Variants in RUBCNL observed in about 807,000 individuals in gnomAD.
The protein encoded by RUBCNL is rubicon like autophagy enhancer.
In RUBCNL, 62 loss-of-function variants were observed where a neutral mutation model predicts 69.5. The ratio of observed to expected loss-of-function variants is 0.89; its 90% CI spans 0.73 to 1.10. RUBCNL has a LOEUF of 1.10. Among genes scored for constraint, RUBCNL ranks in the 50% least tolerant of loss-of-function variants. The probability of loss-of-function intolerance (pLI) is 0.00; values close to 1 mark genes in which losing one functional copy is unlikely to be tolerated. For missense variants in RUBCNL, 768 were observed against 798.1 expected, an observed-to-expected ratio of 0.96 and a Z score of 0.45; for synonymous variants, 291 against 303.6, an observed-to-expected ratio of 0.96 and a Z score of 0.43.
intron 12 of RUBCNL, among the ~76,000 whole-genome samples, chr13:46,345,848 G>C (rs777012451): frequency 1.3e-5 from 2 of 152,186 alleles, no homozygotes; most frequent in Non-Finnish European, 2.9e-5. Flanking sequence ...GCAGAGACCT[G>C]TATCTCTTAC....
intron 1 of RUBCNL, chr13:46,385,257 GGTTTT>G: frequency 1.0e-6 from 1 of 982,714 alleles, no homozygotes; most frequent in South Asian, 4.7e-5. Context: ...ACAGAGACCT[GGTTTT>G]ATTTTCCAGC....
chr13:46,357,695 T>A (rs1370243714), intron 9 of RUBCNL, among the ~76,000 whole-genome samples: 1 of 150,432 alleles, frequency 6.6e-6, no homozygotes, highest in Non-Finnish European at 1.5e-5. Context: ...AGTGGTGCAA[T>A]CTCAGCTCAC....
chr13:46,335,138 C>T lies in RUBCNL; in HGVS notation c.*8247G>A, dbSNP rs566880751. Among the ~76,000 whole-genome samples the T allele has an allele frequency of 6.6e-6, 1 of 151,906 alleles. No homozygotes were observed. The highest frequency in any genetic ancestry group is 2.1e-4 in the South Asian group (1 of 4,808). On this transcript the variant is annotated 3_prime_UTR_variant, in exon 15 of 15. Transcript: ENST00000429979. ...GGAATGCAGTGGCGGGATCATGCCT[C>T]ACTACAGCCTCAAACTCCTGGGCTC...
chr13:46,376,513 C>T (rs2048998045), intron 2 of RUBCNL, among the ~76,000 whole-genome samples: 2 of 152,138 alleles, frequency 1.3e-5, no homozygotes, highest in African/African-American at 4.8e-5. Context: ...GCCTATCTTC[C>T]TTCTCCTGAC....
intron 9 of RUBCNL, 56 bp downstream of exon 9, chr13:46,359,429 GA>G (rs1365737317): frequency 6.8e-7 from 1 of 1,472,534 alleles, no homozygotes; most frequent in Non-Finnish European, 9.2e-7. Flanking sequence ...AGTCAGGTGG[GA>G]TCTGTCACAA....
rs1000957517 is a variant in RUBCNL, at chr13:46,334,902, G to C, written c.*8483C>G. 5.3e-5 allele frequency among the ~76,000 whole-genome samples: 8 copies of C among 152,088 alleles called. No individual in the cohort carries two copies. Among genetic ancestry groups the C allele is most frequent in the Admixed American group, 4.6e-4 (7 of 15,272 alleles). ...CAAGTGCTTCTGGCTCTAAATTCTG[G>C]ATCACTTAGACTCACTGTACCCCAA... On this transcript the variant is annotated 3_prime_UTR_variant, in exon 15 of 15. Transcript: ENST00000429979.
At chr13:46,374,568 T>C (rs1228688102) in intron 2 of RUBCNL, 1 of 152,240 alleles carries the variant, frequency 6.6e-6, no homozygotes, top group Non-Finnish European at 1.5e-5. Flanking sequence ...CACTTGATCT[T>C]AGCCAAAAGG....
chr13:46,354,884 T>C (rs2048449261), intron 10 of RUBCNL: 3 of 456,244 alleles, frequency 6.6e-6, no homozygotes, highest in African/African-American at 2.0e-5. Context: ...TAACAAAAAG[T>C]TGGTGGAGCG....
At position 46,336,796 on chromosome 13, in the gene RUBCNL, G is replaced by A. The variant is rs900080911; in HGVS notation, c.*6589C>T. On this transcript the variant is annotated 3_prime_UTR_variant, in exon 15 of 15. Coordinates refer to ENST00000429979, the MANE Select transcript of RUBCNL (RefSeq NM_025113.5). ...CATTAAAAACTGTTCTTTCAAAAATGTTGCTGTGAAGAAGATCATAGAGGT... is the reference window on the plus strand; with the variant it reads ...CATTAAAAACTGTTCTTTCAAAAATATTGCTGTGAAGAAGATCATAGAGGT... 1.3e-5 allele frequency among the ~76,000 whole-genome samples: 2 copies of A among 152,150 alleles called. No homozygotes were observed. Among genetic ancestry groups the A allele is most frequent in the Non-Finnish European group, 1.5e-5 (1 of 67,982 alleles).
intron 8 of RUBCNL, among the ~76,000 whole-genome samples, chr13:46,360,582 G>C (rs968152931): frequency 6.6e-6 from 1 of 152,138 alleles, no homozygotes; most frequent in Admixed American, 6.5e-5. Context: ...CTTTCTACCT[G>C]CCACAGTTCT....
chr13:46,336,546 C>G lies in RUBCNL; in HGVS notation c.*6839G>C, dbSNP rs1309082465. Among the ~76,000 whole-genome samples the G allele has an allele frequency of 6.6e-6, 1 of 150,528 alleles. No homozygotes were observed. The highest frequency in any genetic ancestry group is 6.7e-5 in the Admixed American group (1 of 14,982). ...TATGATGAAATTCATTATAGTCTAG[C>G]TTTTCTTAGCTAGACTTTTTTATTT... On this transcript the variant is annotated 3_prime_UTR_variant, in exon 15 of 15. Coordinates refer to ENST00000429979, the MANE Select transcript of RUBCNL (RefSeq NM_025113.5).
At chr13:46,384,438 T>C (rs552580780) in intron 1 of RUBCNL, among the ~76,000 whole-genome samples, 4 of 152,336 alleles carry the variant, frequency 2.6e-5, no homozygotes, top group South Asian at 4.1e-4. Context: ...ACAATTCTTC[T>C]TATACTTACT....
At chr13:46,357,027 C>G (rs1329660237) in intron 9 of RUBCNL, among the ~76,000 whole-genome samples, 2 of 149,982 alleles carry the variant, frequency 1.3e-5, no homozygotes, top group Non-Finnish European at 3.0e-5. Flanking sequence ...CCGTGCCCAG[C>G]CTTAAAGCTA....
At chr13:46,357,240 G>A (rs1295022062) in intron 9 of RUBCNL, among the ~76,000 whole-genome samples, 2 of 151,098 alleles carry the variant, frequency 1.3e-5, no homozygotes, top group African/African-American at 4.9e-5. Flanking sequence ...GGCTGAGGCA[G>A]GAGAATGGCG....
At position 46,350,528 on chromosome 13, in the gene RUBCNL, A is replaced by AATC. The variant is rs2048348952; in HGVS notation, c.1331-180_1331-178dup. On this transcript the variant is annotated intron_variant, in intron 10 of 14. Transcript: ENST00000429979. ...GCTCCAGCAGAGACTTGGGGAATTA[A>AATC]ATCATGGCCATTCATGAGCTCTGCT... The AATC allele has an allele frequency of 5.4e-6, 3 of 556,956 alleles. No individual in the cohort carries two copies. In the African/African-American group the frequency reaches 5.6e-5, roughly 10 times the overall value. 34.5% of individuals were successfully genotyped at this position (556,956 alleles called of 1,614,324 possible). A position where few individuals can be genotyped will look rare whatever the true frequency, so the allele number is the denominator to read the frequency against.
At chr13:46,352,407 C>T (rs571117680) in intron 10 of RUBCNL, among the ~76,000 whole-genome samples, 2 of 152,150 alleles carry the variant, frequency 1.3e-5, no homozygotes, top group Non-Finnish European at 2.9e-5. Flanking sequence ...ATCTTAGTTG[C>T]CATATACTGG....
chr13:46,345,133 T>C (rs1322526581), intron 13 of RUBCNL, among the ~76,000 whole-genome samples: 1 of 152,242 alleles, frequency 6.6e-6, no homozygotes, highest in Non-Finnish European at 1.5e-5. Flanking sequence ...TCAATCCGTG[T>C]AGACACAGAG....
chr13:46,378,750 G>T (rs1026067674), intron 1 of RUBCNL: 1 of 152,262 alleles, frequency 6.6e-6, no homozygotes, highest in Admixed American at 6.5e-5. Context: ...CCAGCACTTG[G>T]AGGGCAGAGC....
In RUBCNL at chr13:46,338,162, A is replaced by G. The variant is rs1333896094; in HGVS notation, c.*5223T>C. 3.9e-5 allele frequency among the ~76,000 whole-genome samples: 6 copies of G among 152,264 alleles called. No individual in the cohort carries two copies. The highest frequency in any genetic ancestry group is 4.4e-5 in the Non-Finnish European group (3 of 68,052). ...CCATCTGCAGAGCCCATGCAAGAGTACAAATACAGGTCCACATGCCATATA... is the reference window on the plus strand; with the variant it reads ...CCATCTGCAGAGCCCATGCAAGAGTGCAAATACAGGTCCACATGCCATATA... On this transcript the variant is annotated 3_prime_UTR_variant, in exon 15 of 15. Coordinates refer to ENST00000429979, the MANE Select transcript of RUBCNL (RefSeq NM_025113.5).
Sources: gnomAD v4.1 joint callset for allele counts (sites outside exome capture counted in the v4.1 genomes callset) on GRCh38, gnomAD v4.1.1 for gene constraint, MANE v1.5 for transcripts, NCBI Gene and HGNC (gene_info 2026-07-23, HGNC 2026-07-21) for gene names.